SHCBP1L: variants seen among roughly 807,000 people sequenced by gnomAD.
SHCBP1L encodes the protein SHC binding and spindle associated 1 like.
In SHCBP1L, 67 loss-of-function variants were observed where a neutral mutation model predicts 62.5. That is an observed-to-expected ratio of 1.07 (90% CI 0.88 to 1.31). SHCBP1L has a LOEUF of 1.31. Ranked by LOEUF, SHCBP1L falls within the 40% of genes most tolerant of loss-of-function variation. The pLI, the probability that SHCBP1L is intolerant of heterozygous loss-of-function variation, is 0.00. For missense variants in SHCBP1L, 823 were observed against 809.8 expected (o/e 1.02, Z -0.20); for synonymous variants, 284 against 289.4 (o/e 0.98, Z 0.19).
At chr1:182,905,850 A>G (rs1649995461) in intron 6 of SHCBP1L, among the ~76,000 whole-genome samples, 1 of 152,198 alleles carries the variant, frequency 6.6e-6, no homozygotes, top group Admixed American at 6.5e-5. Flanking sequence ...ATCATTTTAT[A>G]ACTATTAAAT....
chr1:182,900,270 A>G, intron 9 of SHCBP1L, 36 bp from the exon 10 acceptor site: 1 of 1,480,940 alleles, frequency 6.8e-7, no homozygotes, highest in Non-Finnish European at 9.1e-7. Context: ...TTTTTCAATG[A>G]TTTTATTTAA....
chr1:182,927,101 T>G (rs1407542916), intron 6 of SHCBP1L, among the ~76,000 whole-genome samples: 1 of 45,590 alleles, frequency 2.2e-5, no homozygotes, highest in African/African-American at 7.2e-5. Flanking sequence ...TATATATATA[T>G]ATATATATAT....
At chr1:182,932,667 G>C (rs1651046001) in intron 5 of SHCBP1L, among the ~76,000 whole-genome samples, 1 of 151,744 alleles carries the variant, frequency 6.6e-6, no homozygotes, top group South Asian at 2.1e-4. Flanking sequence ...GCTAATTTTT[G>C]TATTTTTATT....
chr1:182,907,154 C>T (rs1650038409), intron 6 of SHCBP1L, among the ~76,000 whole-genome samples: 1 of 151,678 alleles, frequency 6.6e-6, no homozygotes, highest in African/African-American at 2.4e-5. Context: ...AAATCCTGGC[C>T]GGGCACAGTG....
chr1:182,949,822 G>C (rs1651688390), intron 2 of SHCBP1L, among the ~76,000 whole-genome samples: 1 of 148,928 alleles, frequency 6.7e-6, no homozygotes, highest in Non-Finnish European at 1.5e-5. Flanking sequence ...TGAAAATATG[G>C]TATTCTTTTT....
intron 6 of SHCBP1L, among the ~76,000 whole-genome samples, chr1:182,923,498 A>G (rs1295563423): frequency 6.6e-6 from 1 of 152,228 alleles, no homozygotes; most frequent in Non-Finnish European, 1.5e-5. Context: ...CTAGTAGCAC[A>G]TCAATGACCT....
chr1:182,924,573 G>A (rs1650615747), intron 6 of SHCBP1L, among the ~76,000 whole-genome samples: 1 of 151,448 alleles, frequency 6.6e-6, no homozygotes, highest in Admixed American at 6.6e-5. Context: ...TGGGATTACA[G>A]GTGTGAGCCA....
At chr1:182,945,123 C>A (rs1317977869) in intron 2 of SHCBP1L, among the ~76,000 whole-genome samples, 1 of 151,970 alleles carries the variant, frequency 6.6e-6, no homozygotes, top group Non-Finnish European at 1.5e-5. Context: ...GCCACCACAT[C>A]CGGCTATTTT....
rs902999362 is a variant in SHCBP1L at position 182,948,940 on chromosome 1, TG to T, written c.555+2377del. 2.6e-5 allele frequency among the ~76,000 whole-genome samples: 4 copies of T among 152,340 alleles called. No individual in the cohort carries two copies. The East Asian group carries it at 7.7e-4, about 29-fold the overall frequency. On this transcript the variant is annotated intron_variant, in intron 2 of 9. Transcript: ENST00000367547. ...AAAGAATTAGAATCTGCCAATATACTGTTTTGCTTTTTCCTCTGTTCTTATG... is the reference window on the plus strand; with the variant it reads ...AAAGAATTAGAATCTGCCAATATACTTTTTGCTTTTTCCTCTGTTCTTATG...
rs140846304 is a variant in SHCBP1L at position 182,943,078 on chromosome 1, C to T, written c.556-2535G>A. Among the ~76,000 whole-genome samples, 255 of 152,142 alleles carry T rather than the reference C, an allele frequency of 1.7e-3. 2 individuals are homozygous for T. The highest frequency in any genetic ancestry group is 5.3e-3 in the African/African-American group (220 of 41,518). On this transcript the variant is annotated intron_variant, in intron 2 of 9. Coordinates refer to ENST00000367547, the MANE Select transcript of SHCBP1L (RefSeq NM_030933.4). ...AAAATATATTTCCAAAGAGTCATTA[C>T]GAAATATGATACTGAGCTTTATATT...
At chr1:182,924,692 AAAGGAAAGG>A (rs1477603854) in intron 6 of SHCBP1L, among the ~76,000 whole-genome samples, 3 of 111,310 alleles carry the variant, frequency 2.7e-5, no homozygotes, top group African/African-American at 1.0e-4. Context: ...AAAGGAAAGG[AAAGGAAAGG>A]AAGAAAGAAA....
intron 2 of SHCBP1L, among the ~76,000 whole-genome samples, chr1:182,949,766 T>C (rs1651686495): frequency 1.3e-5 from 2 of 151,576 alleles, no homozygotes. Context: ...ATTGAAAAAT[T>C]AACTAATCCC....
chr1:182,945,574 T>C (rs1651536595), intron 2 of SHCBP1L, among the ~76,000 whole-genome samples: 1 of 152,208 alleles, frequency 6.6e-6, no homozygotes, highest in African/African-American at 2.4e-5. Context: ...CCCTTGACTG[T>C]AGATGACATC....
intron 2 of SHCBP1L, among the ~76,000 whole-genome samples, chr1:182,948,139 A>G (rs1651622820): frequency 6.6e-6 from 1 of 152,238 alleles, no homozygotes; most frequent in Non-Finnish European, 1.5e-5. Flanking sequence ...TTGGGAAGTC[A>G]AAAGTTATAC....
intron 6 of SHCBP1L, among the ~76,000 whole-genome samples, chr1:182,922,100 C>T (rs1650545499): frequency 6.6e-6 from 1 of 152,114 alleles, no homozygotes; most frequent in African/African-American, 2.4e-5. Flanking sequence ...GAAGAATTAA[C>T]TATCTTAAAT....
intron 6 of SHCBP1L, among the ~76,000 whole-genome samples, chr1:182,913,984 A>C (rs1650274527): frequency 6.6e-6 from 1 of 152,196 alleles, no homozygotes; most frequent in Non-Finnish European, 1.5e-5. Context: ...TCCATCTCAA[A>C]AAATAATAAT....
chr1:182,913,218 A>C lies in SHCBP1L; in HGVS notation c.1183-7569T>G, dbSNP rs572399713. Among the ~76,000 whole-genome samples, 55 of 152,246 alleles carry C rather than the reference A, an allele frequency of 3.6e-4. 1 individual carries two copies. Among genetic ancestry groups the C allele is most frequent in the South Asian group, 2.7e-3 (13 of 4,818 alleles). The stretch of plus-strand genomic sequence containing the variant: ...TGAGCTGCTCTAGTAAACTAATTAA[A>C]CCCAAAAAAGGAGTTGTGAGAACCC... On this transcript the variant is annotated intron_variant, in intron 6 of 9. Transcript: ENST00000367547.
intron 1 of SHCBP1L, 57 bp downstream of exon 1, chr1:182,952,672 T>G: frequency 6.5e-7 from 1 of 1,528,698 alleles, no homozygotes; most frequent in Non-Finnish European, 8.8e-7. Flanking sequence ...CCCAGATGCC[T>G]GTCCCCAGGT....
At chr1:182,944,121 A>AAAATAAATAAAT (rs147108848) in intron 2 of SHCBP1L, among the ~76,000 whole-genome samples, 32,085 of 133,816 alleles carry the variant, frequency 0.24, 4,436 homozygotes, top group Middle Eastern at 0.32. Flanking sequence ...ACTACTTCTC[A>AAAATAAATAAAT]AAATAAATAA....
Sources: gnomAD v4.1 joint callset for allele counts (sites outside exome capture counted in the v4.1 genomes callset) on GRCh38, gnomAD v4.1.1 for gene constraint, MANE v1.5 for transcripts, NCBI Gene and HGNC (gene_info 2026-07-23, HGNC 2026-07-21) for gene names.